The following DPP6 variants were observed in gnomAD, a reference collection of about 807,000 sequenced individuals.
The protein encoded by DPP6 is dipeptidyl peptidase like 6, also known as A-type potassium channel modulatory protein DPP6.
DPP6 carries 69 observed loss-of-function variants against 122.6 expected under a neutral mutation model. That is an observed-to-expected ratio of 0.56 (90% CI 0.46 to 0.69). The LOEUF (loss-of-function observed/expected upper bound fraction) is 0.69. Ranked by LOEUF, DPP6 falls within the 30% of genes least tolerant of loss-of-function variation. DPP6 has a pLI of 0.00. For synonymous variants in DPP6, 418 were observed against 433.1 expected (o/e 0.97, Z 0.43); for missense variants, 928 against 1,116.9 (o/e 0.83, Z 2.41).
At chr7:154,002,412 T>C (rs1401572118) in intron 1 of DPP6, among the ~76,000 whole-genome samples, 1 of 152,244 alleles carries the variant, frequency 6.6e-6, no homozygotes, top group East Asian at 1.9e-4. Context: ...TGCTCAACCT[T>C]ACACCCCTCA....
chr7:154,272,267 A>G (rs1803846102), intron 1 of DPP6, among the ~76,000 whole-genome samples: 1 of 152,236 alleles, frequency 6.6e-6, no homozygotes, highest in South Asian at 2.1e-4. Flanking sequence ...ATTAAATGGA[A>G]TATTCATCAA....
chr7:154,060,309 C>G (rs1447497707), intron 1 of DPP6, among the ~76,000 whole-genome samples: 25 of 129,792 alleles, frequency 1.9e-4, no homozygotes, highest in South Asian at 2.5e-4. Context: ...CCCCCTGGCT[C>G]TTAGGACCCC....
chr7:153,872,291 G>A, the DPP6 span, among the ~76,000 whole-genome samples: 1 of 152,106 alleles, frequency 6.6e-6, no homozygotes, highest in African/African-American at 2.4e-5. Context: ...TACCTCACAG[G>A]TGCACTTATA....
At chr7:154,087,635 G>A (rs138189723) in intron 1 of DPP6, among the ~76,000 whole-genome samples, 3,459 of 152,258 alleles carry the variant, frequency 0.023, 147 homozygotes, top group African/African-American at 0.079. Context: ...ATCCAAGCCA[G>A]GAGAGAATGA....
At chr7:153,822,421 C>T in the DPP6 span, among the ~76,000 whole-genome samples, 1,895 of 152,166 alleles carry the variant, frequency 0.012, 21 homozygotes, top group Middle Eastern at 0.037. Flanking sequence ...GAACTCCTGA[C>T]CTCAAGTGAT....
At chr7:154,494,207 T>C (rs530976939) in intron 3 of DPP6, among the ~76,000 whole-genome samples, 1 of 151,976 alleles carries the variant, frequency 6.6e-6, no homozygotes, top group Admixed American at 6.6e-5. Flanking sequence ...TTTGTAAAAA[T>C]TAGCCAAGCC....
At chr7:154,809,724 CAG>C (rs1387409773) in intron 16 of DPP6, among the ~76,000 whole-genome samples, 1 of 152,116 alleles carries the variant, frequency 6.6e-6, no homozygotes, top group Non-Finnish European at 1.5e-5. Context: ...TATCTTGAGA[CAG>C]GGAGCAGACA....
intron 1 of DPP6, among the ~76,000 whole-genome samples, chr7:154,326,432 G>A (rs1378083807): frequency 6.6e-6 from 1 of 152,090 alleles, no homozygotes; most frequent in Non-Finnish European, 1.5e-5. Flanking sequence ...ACAAAACAAG[G>A]ATGCAGATAT....
rs1192571022 is a variant in DPP6, at chr7:154,486,671, T to C, written c.457+11634T>C. Reference sequence around the variant, plus strand: ...ACAAAACTTCAGTCAGAGCATCAGCTTGTGAACCAGCTAGGGTTGGACCAC... The same window carrying C: ...ACAAAACTTCAGTCAGAGCATCAGCCTGTGAACCAGCTAGGGTTGGACCAC... On this transcript the variant is annotated intron_variant, in intron 3 of 25. Coordinates refer to ENST00000377770, the MANE Select transcript of DPP6 (RefSeq NM_130797.4). The surrounding 1 kb of genome is among the most constrained non-coding windows in gnomAD (Gnocchi z 4.5). Among the ~76,000 whole-genome samples, 1 of 152,208 alleles carries C rather than the reference T, an allele frequency of 6.6e-6. No individual in the cohort carries two copies. Among genetic ancestry groups the C allele is most frequent in the Non-Finnish European group, 1.5e-5 (1 of 68,028 alleles).
At chr7:154,186,315 C>A (rs1409929042) in intron 1 of DPP6, among the ~76,000 whole-genome samples, 3 of 152,232 alleles carry the variant, frequency 2.0e-5, no homozygotes, top group Non-Finnish European at 2.9e-5. Context: ...TCCTTAATGA[C>A]ATCAGTTGTG....
chr7:154,053,650 C>G (rs1346796392), intron 1 of DPP6, among the ~76,000 whole-genome samples: 1 of 152,032 alleles, frequency 6.6e-6, no homozygotes, highest in Non-Finnish European at 1.5e-5. Flanking sequence ...AAAAAAATAC[C>G]AAAATACTGG....
At chr7:154,358,222 C>T (rs1284714951) in intron 1 of DPP6, among the ~76,000 whole-genome samples, 1 of 152,208 alleles carries the variant, frequency 6.6e-6, no homozygotes, top group African/African-American at 2.4e-5. Flanking sequence ...GGCTCACCTG[C>T]TCAGCCGTGC....
At chr7:154,372,961 T>C (rs531737308) in intron 1 of DPP6, among the ~76,000 whole-genome samples, 2 of 152,318 alleles carry the variant, frequency 1.3e-5, no homozygotes, top group South Asian at 2.1e-4. Context: ...GGACTGACCC[T>C]GGAAATGGAG....
chr7:154,708,154 T>A lies in DPP6; in HGVS notation c.763-19613T>A, dbSNP rs113675589. On this transcript the variant is annotated intron_variant, in intron 7 of 25. Coordinates refer to ENST00000377770, the MANE Select transcript of DPP6 (RefSeq NM_130797.4). The stretch of plus-strand genomic sequence containing the variant: ...ACTCTGAGAATGACTCCTGGCAATT[T>A]TAGGACTACTTCCATGGGAAAAAGC... Among the ~76,000 whole-genome samples the A allele has an allele frequency of 2.3e-3, 350 of 152,336 alleles. 2 individuals carry two copies. Among genetic ancestry groups the A allele is most frequent in the Middle Eastern group, 0.01 (3 of 294 alleles).
At chr7:154,377,177 G>A (rs1215257372) in intron 1 of DPP6, among the ~76,000 whole-genome samples, 1 of 152,222 alleles carries the variant, frequency 6.6e-6, no homozygotes, top group Non-Finnish European at 1.5e-5. Context: ...CTGAGGCCCA[G>A]AGTGATTAAG....
At chr7:154,145,253 T>C (rs1235604690) in intron 1 of DPP6, among the ~76,000 whole-genome samples, 2 of 152,188 alleles carry the variant, frequency 1.3e-5, no homozygotes, top group East Asian at 3.9e-4. Context: ...AGAGAGACTT[T>C]GGATGGCCTC....
chr7:154,887,827 T>C, intron 23 of DPP6, 93 bp downstream of exon 23: 1 of 1,418,588 alleles, frequency 7.0e-7, no homozygotes. Context: ...CACTCTGCCT[T>C]CCCCAGCCCC....
the DPP6 span, among the ~76,000 whole-genome samples, chr7:153,833,683 A>G: frequency 1.3e-5 from 2 of 152,048 alleles, no homozygotes; most frequent in South Asian, 4.2e-4. Context: ...CAAAAAAAAA[A>G]AAGGTGGGGG....
intron 1 of DPP6, among the ~76,000 whole-genome samples, chr7:154,402,474 C>A (rs1301936791): frequency 1.3e-5 from 2 of 150,774 alleles, no homozygotes; most frequent in Non-Finnish European, 2.9e-5. Context: ...TGGAAATCAT[C>A]ATTCTCAGTA....
Sources: gnomAD v4.1 joint callset for allele counts (sites outside exome capture counted in the v4.1 genomes callset) on GRCh38, gnomAD v4.1.1 for gene constraint, Gnocchi (gnomAD v3.1) non-coding constraint, MANE v1.5 for transcripts, NCBI Gene and HGNC (gene_info 2026-07-23, HGNC 2026-07-21) for gene names.